The following GPHN variants were observed in gnomAD, a reference collection of about 807,000 sequenced individuals.
GPHN encodes gephyrin.
In GPHN, 17 loss-of-function variants were observed where a neutral mutation model predicts 95.5. The observed-to-expected ratio is 0.18, with a 90% confidence interval of 0.12 to 0.27. The LOEUF is 0.27. Among genes scored for constraint, GPHN ranks in the 10% least tolerant of loss-of-function variants. The pLI is 1.00. For missense variants in GPHN, 660 were observed against 978.1 expected (o/e 0.67, Z 4.34); for synonymous variants, 320 against 322.5 (o/e 0.99, Z 0.08).
chr14:67,125,722 A>G (rs901775570), intron 17 of GPHN, among the ~76,000 whole-genome samples: 1 of 152,052 alleles, frequency 6.6e-6, no homozygotes, highest in Non-Finnish European at 1.5e-5. Context: ...GGTTGCAGTG[A>G]GCCAACATCG....
chr14:67,008,192 T>C (rs547118800), intron 9 of GPHN, among the ~76,000 whole-genome samples: 6 of 152,184 alleles, frequency 3.9e-5, no homozygotes, highest in East Asian at 1.9e-4. Flanking sequence ...TGGTGGCTCA[T>C]GCCTGTAATC....
At chr14:67,310,609 A>G in the GPHN span, among the ~76,000 whole-genome samples, 2 of 152,196 alleles carry the variant, frequency 1.3e-5, no homozygotes, top group Non-Finnish European at 2.9e-5. Context: ...TTTGTGTATC[A>G]AAAGTTACTC....
intron 1 of GPHN, among the ~76,000 whole-genome samples, chr14:66,522,867 A>G (rs1419919347): frequency 6.6e-6 from 1 of 152,010 alleles, no homozygotes; most frequent in Non-Finnish European, 1.5e-5. Context: ...ATGATAGCAA[A>G]GACTAGAAAC....
the GPHN span, among the ~76,000 whole-genome samples, chr14:67,229,405 G>T: frequency 6.6e-6 from 1 of 152,178 alleles, no homozygotes; most frequent in Non-Finnish European, 1.5e-5. Flanking sequence ...CCATATGATG[G>T]CCAGTAGGCA....
the GPHN span, among the ~76,000 whole-genome samples, chr14:67,314,706 T>G: frequency 2.6e-5 from 4 of 152,250 alleles, no homozygotes; most frequent in Admixed American, 2.6e-4. Context: ...TAGATTCCAA[T>G]GATGACATTT....
chr14:66,966,346 G>T (rs921258653), intron 9 of GPHN, among the ~76,000 whole-genome samples: 1 of 151,936 alleles, frequency 6.6e-6, no homozygotes, highest in Non-Finnish European at 1.5e-5. Flanking sequence ...AATCTTCTCA[G>T]CAATGTTTCC....
intron 4 of GPHN, among the ~76,000 whole-genome samples, chr14:66,827,072 C>T (rs1369489905): frequency 6.6e-6 from 1 of 151,974 alleles, no homozygotes; most frequent in African/African-American, 2.4e-5. Flanking sequence ...TCAGTTGAGG[C>T]AAGGAGTTCA....
intron 9 of GPHN, among the ~76,000 whole-genome samples, chr14:66,989,214 A>G (rs931505493): frequency 1.1e-4 from 17 of 151,380 alleles, no homozygotes; most frequent in Admixed American, 4.6e-4. Flanking sequence ...ATCCATAATC[A>G]CTCCCCAAAA....
the GPHN span, among the ~76,000 whole-genome samples, chr14:67,304,675 G>C: frequency 6.6e-6 from 1 of 152,180 alleles, no homozygotes; most frequent in Admixed American, 6.5e-5. Context: ...TCAGTACCAA[G>C]TTTCTTTTTG....
intron 1 of GPHN, among the ~76,000 whole-genome samples, chr14:66,511,697 A>G (rs1257527058): frequency 6.6e-6 from 1 of 152,080 alleles, no homozygotes; most frequent in Non-Finnish European, 1.5e-5. Context: ...CATTAAATAA[A>G]TTAATTGTAT....
the GPHN span, among the ~76,000 whole-genome samples, chr14:67,582,433 TG>T: frequency 6.6e-6 from 1 of 152,170 alleles, no homozygotes; most frequent in Non-Finnish European, 1.5e-5. The surrounding 1 kb of genome is among the most constrained non-coding windows in gnomAD (Gnocchi z 5.0). Context: ...TCCAGAGACC[TG>T]GGTTTGAGTC....
intron 11 of GPHN, among the ~76,000 whole-genome samples, chr14:67,080,160 CA>C (rs2076634422): frequency 6.6e-6 from 1 of 152,016 alleles, no homozygotes; most frequent in Non-Finnish European, 1.5e-5. Flanking sequence ...ATTTTTCTGA[CA>C]ATTACTGATA....
At chr14:66,640,611 T>C (rs1304237839) in intron 1 of GPHN, among the ~76,000 whole-genome samples, 1 of 152,196 alleles carries the variant, frequency 6.6e-6, no homozygotes, top group Non-Finnish European at 1.5e-5. Flanking sequence ...CTAGTACTTT[T>C]GTTTGAGGCA....
chr14:67,246,049 T>C, the GPHN span, among the ~76,000 whole-genome samples: 97 of 152,212 alleles, frequency 6.4e-4, 1 homozygote, highest in Middle Eastern at 0.014. Context: ...TGTCAAAAGC[T>C]ATTTGACTGC....
chr14:67,640,616 A>C, the GPHN span, among the ~76,000 whole-genome samples: 7 of 152,220 alleles, frequency 4.6e-5, no homozygotes, highest in Non-Finnish European at 8.8e-5. Flanking sequence ...CTCTGCAAAT[A>C]TTAAGATACG....
the GPHN span, chr14:67,579,557 C>T: frequency 1.4e-6 from 1 of 691,302 alleles, no homozygotes; most frequent in Non-Finnish European, 2.4e-6. Flanking sequence ...AGCTCACATC[C>T]CTCATGCACT....
At chr14:66,787,907 C>T (rs938377666) in intron 3 of GPHN, among the ~76,000 whole-genome samples, 1 of 151,190 alleles carries the variant, frequency 6.6e-6, no homozygotes, top group Non-Finnish European at 1.5e-5. Flanking sequence ...AAGCAAAAGT[C>T]TTTACGACCT....
chr14:67,034,352 C>G (rs1008530542), intron 10 of GPHN, among the ~76,000 whole-genome samples: 2 of 151,840 alleles, frequency 1.3e-5, no homozygotes, highest in African/African-American at 4.8e-5. Context: ...AGAAAGTAAT[C>G]AAAGCATATC....
the GPHN span, among the ~76,000 whole-genome samples, chr14:67,618,827 G>C: frequency 6.6e-6 from 1 of 152,150 alleles, no homozygotes; most frequent in African/African-American, 2.4e-5. Flanking sequence ...ATACAACAGA[G>C]CCTCTAAAAA....
Sources: allele counts gnomAD v4.1 joint callset (sites outside exome capture counted in the v4.1 genomes callset), GRCh38; gene constraint gnomAD v4.1.1; non-coding constraint Gnocchi (gnomAD v3.1); transcripts MANE v1.5; gene names NCBI Gene and HGNC (gene_info 2026-07-23, HGNC 2026-07-21).